Variants in NAPA observed in about 807,000 individuals in gnomAD.
The protein encoded by NAPA is alpha-soluble NSF attachment protein.
Under a neutral mutation model 48.0 loss-of-function variants are expected in NAPA, and 18 were observed. The observed-to-expected ratio is 0.38, with a 90% CI of 0.26 to 0.56. The LOEUF (loss-of-function observed/expected upper bound fraction) is 0.56. NAPA is among the 20% of genes least tolerant of loss of function. NAPA has a pLI of 0.77. For synonymous variants in NAPA, 152 were observed against 149.9 expected, an observed-to-expected ratio of 1.01 and a Z score of -0.10; for missense variants, 315 against 385.0, an observed-to-expected ratio of 0.82 and a Z score of 1.52.
intron 3 of NAPA, 147 bp downstream of exon 3, chr19:47,500,485 GC>G: frequency 1.8e-6 from 1 of 568,752 alleles, no homozygotes. Context: ...TAAAGTCAAC[GC>G]TCACTCTGCC....
At chr19:47,507,701 C>T (rs1298792728) in intron 1 of NAPA, among the ~76,000 whole-genome samples, 4 of 152,212 alleles carry the variant, frequency 2.6e-5, no homozygotes, top group Non-Finnish European at 5.9e-5. Flanking sequence ...GCACGGCTCT[C>T]GAGACCATGT....
At chr19:47,495,625 A>C (rs771145585) in intron 3 of NAPA, 29 bp from the exon 4 acceptor site, 2 of 1,611,570 alleles carry the variant, frequency 1.2e-6, no homozygotes, top group Non-Finnish European at 1.7e-6. Flanking sequence ...GGGAGGAGAC[A>C]TGAGAAAGTG....
chr19:47,486,644 G>A (rs993603541), downstream of NAPA, among the ~76,000 whole-genome samples: 5 of 152,178 alleles, frequency 3.3e-5, no homozygotes, highest in Non-Finnish European at 5.9e-5. Flanking sequence ...TAGCCAGGGC[G>A]GACCATCACT....
At position 47,491,813 on chromosome 19, in the gene NAPA, G is replaced by T. The variant is rs143100879; in HGVS notation, c.666+202C>A. 5.3e-5 allele frequency among the ~76,000 whole-genome samples: 8 copies of T among 152,314 alleles called. No individual in the cohort carries two copies. In the East Asian group the frequency reaches 1.2e-3, roughly 22 times the overall value. Reference sequence around the variant, plus strand: ...ACTAAGTGAGGCAGGAGCTGGACCCGCAAAAGCCTCCAGGGCTGGGTGGGC... The same window carrying T: ...ACTAAGTGAGGCAGGAGCTGGACCCTCAAAAGCCTCCAGGGCTGGGTGGGC... On this transcript the variant is annotated intron_variant, in intron 8 of 10. Transcript: ENST00000263354.
chr19:47,490,676 A>AAAAC (rs1968240484), intron 9 of NAPA, 112 bp downstream of exon 9: 20 of 899,620 alleles, frequency 2.2e-5, no homozygotes, highest in Non-Finnish European at 3.2e-5. Context: ...AAAACAAAAC[A>AAAAC]AAGACACCCT....
rs1312170621 is a variant in NAPA at position 47,488,092 on chromosome 19, G to A, written c.*196C>T. The A allele has an allele frequency of 8.9e-6, 5 of 563,444 alleles. No homozygotes were observed. The highest frequency in any genetic ancestry group is 2.1e-5 in the South Asian group (1 of 47,914). The allele number at this position is 563,444 out of a possible 1,614,324, so 34.9% of individuals were successfully genotyped here. ...ATGGACAGGGGGCAAGGGATGTAGC[G>A]AGAACAGAGGGTGACTGTCCGGCCA... On this transcript the variant is annotated 3_prime_UTR_variant, in exon 11 of 11. Coordinates refer to ENST00000263354, the MANE Select transcript of NAPA (RefSeq NM_003827.4).
At chr19:47,504,911 T>C (rs11083880) in intron 1 of NAPA, among the ~76,000 whole-genome samples, 24,209 of 152,146 alleles carry the variant, frequency 0.16, 2,086 homozygotes, top group Admixed American at 0.23. Context: ...TGTCCAACAG[T>C]AGGGATACAC....
At chr19:47,488,616 T>TAA in intron 10 of NAPA, 3 of 339,002 alleles carry the variant, frequency 8.8e-6, no homozygotes, top group Non-Finnish European at 1.0e-5. Context: ...TATTGTAGCT[T>TAA]TAAAAAAAAA....
At chr19:47,504,597 ATTTT>A (rs952380787) in intron 1 of NAPA, among the ~76,000 whole-genome samples, 1 of 150,858 alleles carries the variant, frequency 6.6e-6, no homozygotes, top group Non-Finnish European at 1.5e-5. Flanking sequence ...TACTGTCTGA[ATTTT>A]TTTTTAACTG....
chr19:47,495,356 T>C (rs1968393564), intron 4 of NAPA, 194 bp downstream of exon 4: 1 of 642,600 alleles, frequency 1.6e-6, no homozygotes, highest in African/African-American at 1.8e-5. Flanking sequence ...GCCGTCAGGC[T>C]GGTGGGGAGC....
chr19:47,514,807 C>T lies in NAPA; in HGVS notation c.98+36G>A, dbSNP rs1286228263. Reference sequence around the variant, plus strand: ...GAGCGTGACTCCTTCGTCCTCTCAGCCTAGGTCCCGGCCGACCCCTCAGCC... The same window carrying T: ...GAGCGTGACTCCTTCGTCCTCTCAGTCTAGGTCCCGGCCGACCCCTCAGCC... On this transcript the variant is annotated intron_variant, in intron 1 of 10. Transcript: ENST00000263354. 2.5e-6 allele frequency: 4 copies of T among 1,598,256 alleles called. No individual in the cohort carries two copies. The South Asian group carries it at 3.3e-5, about 13-fold the overall frequency.
rs1033379869 is a variant in NAPA, at chr19:47,495,544, C to T, written c.342+6G>A. On this transcript the variant is annotated splice_donor_region_variant and intron_variant, in intron 4 of 10. Coordinates refer to ENST00000263354, the MANE Select transcript of NAPA (RefSeq NM_003827.4). ...GGGGGTGTCAGGACAAGCAAGCAGC[C>T]CTTACCATGTCTGTGTAGATCTCGA... is the stretch of plus-strand genomic sequence containing the variant. 8.1e-6 allele frequency: 13 copies of T among 1,613,850 alleles called. No individual in the cohort carries two copies. The highest frequency in any genetic ancestry group is 1.6e-4 in the Middle Eastern group (1 of 6,080).
At chr19:47,507,829 T>C (rs2122774397) in intron 1 of NAPA, among the ~76,000 whole-genome samples, 1 of 152,284 alleles carries the variant, frequency 6.6e-6, no homozygotes, top group South Asian at 2.1e-4. Flanking sequence ...GCGAGGAAGC[T>C]GGGGCTCAGA....
At position 47,506,241 on chromosome 19, in the gene NAPA, A is replaced by T. The variant is rs992455965; in HGVS notation, c.99-2739T>A. On this transcript the variant is annotated intron_variant, in intron 1 of 10. Transcript: ENST00000263354. The surrounding 1 kb of genome is among the most constrained non-coding windows in gnomAD (Gnocchi z 4.0). ...TCGAACTCCTGACCTCAAGTGGTCCACTCGCCTCGGCCTCCCAAAGTGCTG... is the reference window on the plus strand; with the variant it reads ...TCGAACTCCTGACCTCAAGTGGTCCTCTCGCCTCGGCCTCCCAAAGTGCTG... Among the ~76,000 whole-genome samples, 9 of 151,464 alleles carry T rather than the reference A, an allele frequency of 5.9e-5. No individual in the cohort carries two copies. The highest frequency in any genetic ancestry group is 1.2e-4 in the Non-Finnish European group (8 of 67,886).
In NAPA at chr19:47,493,413, C is replaced by A; in HGVS notation, c.420+3G>T. ...GCCCATGCAGGGCCCTGCTGCCACT[C>A]ACCTTCTCGATGTCCACCAACTCTG... On this transcript the variant is annotated splice_donor_region_variant and intron_variant, in intron 5 of 10. Coordinates refer to ENST00000263354, the MANE Select transcript of NAPA (RefSeq NM_003827.4). This position sits in a 1 kb window ranked among gnomAD's most constrained non-coding sequence, Gnocchi z 6.4. 6.2e-7 allele frequency: 1 copy of A among 1,613,998 alleles called. No individual in the cohort carries two copies. The highest frequency in any genetic ancestry group is 1.1e-5 in the South Asian group (1 of 91,076).
chr19:47,513,340 C>T (rs1302148305), intron 1 of NAPA, among the ~76,000 whole-genome samples: 8 of 152,208 alleles, frequency 5.3e-5, no homozygotes, highest in Admixed American at 3.9e-4. Context: ...CTGCACGCTC[C>T]GAACCTGTTT....
Position 47,506,308 on chromosome 19 carries a change from T to G in NAPA, c.99-2806A>C, listed in dbSNP as rs902665325. On this transcript the variant is annotated intron_variant, in intron 1 of 10. Transcript: ENST00000263354. This position sits in a 1 kb window ranked among gnomAD's most constrained non-coding sequence, Gnocchi z 4.0. ...CCACCGTGCCCAGCCTGGAATGACTTCTTTAGAACCCATTCCTGGCCTTGG... is the reference window on the plus strand; with the variant it reads ...CCACCGTGCCCAGCCTGGAATGACTGCTTTAGAACCCATTCCTGGCCTTGG... Among the ~76,000 whole-genome samples, 7 of 152,154 alleles carry G rather than the reference T, an allele frequency of 4.6e-5. No homozygotes were observed. The highest frequency in any genetic ancestry group is 1.7e-4 in the African/African-American group (7 of 41,430).
rs1968117041 is a variant in NAPA, at chr19:47,487,885, G to A, written c.*403C>T. ...TCTCAGCGGCTACATGTGCTTTAGA[G>A]CTTGGCTGGGGGACAAAAGTGGGAG... On this transcript the variant is annotated 3_prime_UTR_variant, in exon 11 of 11. Transcript: ENST00000263354. 6.4e-6 allele frequency: 1 copy of A among 156,514 alleles called. No homozygotes were observed. The highest frequency in any genetic ancestry group is 1.4e-5 in the Non-Finnish European group (1 of 70,656). The allele number at this position is 156,514 out of a possible 1,614,324, so 9.7% of individuals were successfully genotyped here.
At chr19:47,488,615 T>TC (rs1319010043) in intron 10 of NAPA, 2 of 329,082 alleles carry the variant, frequency 6.1e-6, no homozygotes, top group African/African-American at 5.0e-5. Context: ...ATATTGTAGC[T>TC]TTAAAAAAAA....
Sources: gnomAD v4.1 joint callset for allele counts (sites outside exome capture counted in the v4.1 genomes callset) on GRCh38, gnomAD v4.1.1 for gene constraint, Gnocchi (gnomAD v3.1) non-coding constraint, MANE v1.5 for transcripts, NCBI Gene and HGNC (gene_info 2026-07-23, HGNC 2026-07-21) for gene names.